TAB2: variants seen among roughly 807,000 people sequenced by gnomAD.
TAB2 encodes the protein TGF-beta-activated kinase 1 and MAP3K7-binding protein 2.
Under a neutral mutation model 65.0 loss-of-function variants are expected in TAB2, and 3 were observed. The observed-to-expected ratio is 0.05, with a 90% CI of 0.02 to 0.12. The LOEUF (loss-of-function observed/expected upper bound fraction) is 0.12. Ranked by LOEUF, TAB2 falls within the 10% of genes least tolerant of loss-of-function variation. The pLI, the probability that TAB2 is intolerant of heterozygous loss-of-function variation, is 1.00. For missense variants in TAB2, 623 were observed against 840.3 expected (o/e 0.74, Z 3.20); for synonymous variants, 298 against 285.1 (o/e 1.05, Z -0.46).
At chr6:149,299,964 T>C (rs1778942835) in intron 1 of TAB2, among the ~76,000 whole-genome samples, 2 of 152,168 alleles carry the variant, frequency 1.3e-5, no homozygotes, top group African/African-American at 4.8e-5. Context: ...GCTATGATTG[T>C]GCCACTGCAC....
At chr6:149,395,764 T>C (rs1782143984) in intron 3 of TAB2, among the ~76,000 whole-genome samples, 2 of 152,162 alleles carry the variant, frequency 1.3e-5, no homozygotes, top group Non-Finnish European at 2.9e-5. Context: ...TTCCTTCTTA[T>C]CAGAACATAT....
chr6:149,392,116 A>G (rs182345395), intron 3 of TAB2, among the ~76,000 whole-genome samples: 3 of 103,796 alleles, frequency 2.9e-5, no homozygotes, highest in Non-Finnish European at 5.5e-5. Flanking sequence ...TCACATTCAT[A>G]TCAGATTTTA....
At chr6:149,403,228 C>G (rs1782499804) in intron 6 of TAB2, among the ~76,000 whole-genome samples, 2 of 111,246 alleles carry the variant, frequency 1.8e-5, no homozygotes, top group Admixed American at 1.0e-4. Context: ...GAGCGAAACT[C>G]TTGTCTAAAA....
chr6:149,283,688 C>T (rs1246128334), intron 1 of TAB2, among the ~76,000 whole-genome samples: 5 of 152,012 alleles, frequency 3.3e-5, no homozygotes, highest in South Asian at 4.2e-4. Context: ...CCAGCCCAGG[C>T]GACAAGAGAG....
chr6:149,411,600 T>C lies in TAB2; in HGVS notation c.*1881T>C, dbSNP rs764504525. On this transcript the variant is annotated 3_prime_UTR_variant, in exon 7 of 7. Coordinates refer to ENST00000637181, the MANE Select transcript of TAB2 (RefSeq NM_001292034.3). ...TTATTTATAAAAATTAAAAAACTTA[T>C]ATTCTAATGTGGATTTTGTGACTTG... The C allele has an allele frequency of 5.2e-5, 8 of 153,866 alleles. No homozygotes were observed. The highest frequency in any genetic ancestry group is 4.1e-4 in the South Asian group (2 of 4,830). The allele number at this position is 153,866 out of a possible 1,614,324, so 9.5% of individuals were successfully genotyped here.
chr6:149,274,948 T>C (rs1778427016), intron 1 of TAB2, among the ~76,000 whole-genome samples: 1 of 152,102 alleles, frequency 6.6e-6, no homozygotes, highest in Non-Finnish European at 1.5e-5. Flanking sequence ...CCCTGGACCC[T>C]GGTGTAGCCC....
chr6:149,396,113 G>T (rs551362486), intron 3 of TAB2, among the ~76,000 whole-genome samples: 4 of 152,084 alleles, frequency 2.6e-5, no homozygotes, highest in Non-Finnish European at 5.9e-5. Context: ...TGCCTCCCGG[G>T]TTCAAGCAAT....
At chr6:149,363,061 A>G (rs1035753874) in intron 1 of TAB2, among the ~76,000 whole-genome samples, 1 of 152,158 alleles carries the variant, frequency 6.6e-6, no homozygotes, top group Non-Finnish European at 1.5e-5. Flanking sequence ...ACAGGAAGGG[A>G]CCTTGGAGAT....
At position 149,233,954 on chromosome 6, in the gene TAB2, G is replaced by A. The variant is rs950157921; in HGVS notation, c.-121+15178G>A. Among the ~76,000 whole-genome samples, 8 of 152,148 alleles carry A rather than the reference G, an allele frequency of 5.3e-5. No homozygotes were observed. The South Asian group carries it at 8.3e-4, about 16-fold the overall frequency. On this transcript the variant is annotated intron_variant, in intron 1 of 1. Coordinates refer to the TAB2 transcript ENST00000606202. ...TCTCAATCCTATCCTTGTGTAATTC[G>A]CTTATGAAATGTAAATGTGGCATTT... is the stretch of plus-strand genomic sequence containing the variant.
At chr6:149,349,187 G>A (rs1460177759) in intron 1 of TAB2, among the ~76,000 whole-genome samples, 4 of 151,904 alleles carry the variant, frequency 2.6e-5, no homozygotes, top group South Asian at 2.1e-4. Context: ...TTGGGAGACT[G>A]AGGCGGGTTG....
intron 1 of TAB2, among the ~76,000 whole-genome samples, chr6:149,312,559 C>T (rs921797293): frequency 4.6e-5 from 7 of 152,160 alleles, no homozygotes; most frequent in Non-Finnish European, 7.3e-5. Flanking sequence ...GATGGCGTTT[C>T]GCCATGTTGG....
At chr6:149,218,032 T>C (rs1777059072), upstream of TAB2, 1 of 152,194 alleles carries the variant, frequency 6.6e-6, no homozygotes. Context: ...ATAGCAGAAC[T>C]ACGAGACAAG....
At chr6:149,399,045 A>AAG in intron 5 of TAB2, 59 bp from the exon 6 acceptor site, 1 of 1,438,328 alleles carries the variant, frequency 7.0e-7, no homozygotes. Context: ...ACTTGTTTTA[A>AAG]AAAGTAAAGT....
chr6:149,254,103 AAGG>A (rs1562389702), intron 1 of TAB2, among the ~76,000 whole-genome samples: 8 of 123,426 alleles, frequency 6.5e-5, no homozygotes, highest in East Asian at 2.5e-4. Context: ...GGAAGGAAGG[AAGG>A]AAGGAAGGAC....
At chr6:149,367,057 A>G (rs887550813) in intron 1 of TAB2, among the ~76,000 whole-genome samples, 1 of 152,096 alleles carries the variant, frequency 6.6e-6, no homozygotes, top group African/African-American at 2.4e-5. Context: ...TTATTCAACA[A>G]ATATGTTGCA....
At chr6:149,383,819 G>A (rs1336763730) in intron 3 of TAB2, among the ~76,000 whole-genome samples, 1 of 152,114 alleles carries the variant, frequency 6.6e-6, no homozygotes, top group East Asian at 1.9e-4. Flanking sequence ...CTGACCTCAG[G>A]CAATCCGCCT....
At chr6:149,399,037 T>G in intron 5 of TAB2, 67 bp from the exon 6 acceptor site, 1 of 1,361,796 alleles carries the variant, frequency 7.3e-7, no homozygotes, top group Non-Finnish European at 1.0e-6. Context: ...AAAGAAATAC[T>G]TGTTTTAAAA....
chr6:149,236,498 C>A (rs898729168), intron 1 of TAB2, among the ~76,000 whole-genome samples: 1 of 152,158 alleles, frequency 6.6e-6, no homozygotes, highest in Non-Finnish European at 1.5e-5. Context: ...AAATGAGAAC[C>A]CAATACAACA....
intron 2 of TAB2, among the ~76,000 whole-genome samples, chr6:149,374,486 C>T (rs998430225): frequency 2.0e-5 from 3 of 152,086 alleles, no homozygotes; most frequent in Admixed American, 6.5e-5. Flanking sequence ...CCTCCCAAAA[C>T]GCTGGGATTA....
Sources: gnomAD v4.1 joint callset for allele counts (sites outside exome capture counted in the v4.1 genomes callset) on GRCh38, gnomAD v4.1.1 for gene constraint, MANE v1.5 for transcripts, NCBI Gene and HGNC (gene_info 2026-07-23, HGNC 2026-07-21) for gene names.